Variants in CUX2 observed in about 807,000 individuals in gnomAD.
The protein encoded by CUX2 is homeobox protein cut-like 2.
CUX2 carries 40 observed loss-of-function variants against 144.8 expected under a neutral mutation model. The ratio of observed to expected loss-of-function variants is 0.28; its 90% CI spans 0.21 to 0.36. The LOEUF (loss-of-function observed/expected upper bound fraction) is 0.36, where lower values mean the gene tolerates loss of function less well. Ranked by LOEUF, CUX2 falls within the 10% of genes least tolerant of loss-of-function variation. The pLI is 1.00. For synonymous variants in CUX2, 827 were observed against 875.6 expected (o/e 0.94, Z 0.98); for missense variants, 1,615 against 1,994.0 (o/e 0.81, Z 3.62).
chr12:111,039,055 C>T lies in CUX2; in HGVS notation c.63+4815C>T, dbSNP rs950126163. Among the ~76,000 whole-genome samples the T allele has an allele frequency of 4.6e-5, 7 of 151,938 alleles. No homozygotes were observed. The highest frequency in any genetic ancestry group is 1.7e-4 in the African/African-American group (7 of 41,346). On this transcript the variant is annotated intron_variant, in intron 1 of 21. Transcript: ENST00000261726. The surrounding 1 kb of genome is among the most constrained non-coding windows in gnomAD (Gnocchi z 4.2). ...TTCTTCCGGCAGATGGGATTTCAAA[C>T]GTGAGCACCTTGGCTAGTGCTAAAT...
chr12:111,096,526 A>C (rs1178751706), intron 1 of CUX2, among the ~76,000 whole-genome samples: 1 of 152,142 alleles, frequency 6.6e-6, no homozygotes, highest in Non-Finnish European at 1.5e-5. Flanking sequence ...AGGCAAAGTC[A>C]CTTGCCCGAG....
At chr12:111,200,149 C>G (rs1880490636) in intron 1 of CUX2, among the ~76,000 whole-genome samples, 1 of 151,860 alleles carries the variant, frequency 6.6e-6, no homozygotes, top group Non-Finnish European at 1.5e-5. Context: ...GGAGAGGACA[C>G]CCCCTCTTGC....
chr12:111,219,612 G>A (rs187009621), intron 3 of CUX2, among the ~76,000 whole-genome samples: 123 of 152,328 alleles, frequency 8.1e-4, no homozygotes, highest in Non-Finnish European at 9.8e-4. Flanking sequence ...TTAAATGGGA[G>A]TATAAAGACA....
At chr12:111,202,183 G>T (rs1310176641) in intron 1 of CUX2, among the ~76,000 whole-genome samples, 2 of 152,214 alleles carry the variant, frequency 1.3e-5, no homozygotes, top group Admixed American at 6.5e-5. Context: ...TTTTGCCGGG[G>T]GAAGCACTCT....
intron 1 of CUX2, among the ~76,000 whole-genome samples, chr12:111,117,740 C>CT (rs1351214457): frequency 6.6e-6 from 1 of 152,196 alleles, no homozygotes; most frequent in Non-Finnish European, 1.5e-5. Flanking sequence ...GGTAGATACT[C>CT]TGAGTATTTC....
intron 1 of CUX2, among the ~76,000 whole-genome samples, chr12:111,179,314 C>G: frequency 6.6e-6 from 1 of 152,168 alleles, no homozygotes; most frequent in Non-Finnish European, 1.5e-5. Context: ...GGCATAATAC[C>G]AACACCCGCC....
chr12:111,139,474 G>A (rs1007031854), intron 1 of CUX2, among the ~76,000 whole-genome samples: 2 of 152,128 alleles, frequency 1.3e-5, no homozygotes, highest in African/African-American at 4.8e-5. Flanking sequence ...AATGGTGGTC[G>A]AAGTTGTGGT....
At chr12:111,048,409 A>G (rs1162384380) in intron 1 of CUX2, among the ~76,000 whole-genome samples, 1 of 152,126 alleles carries the variant, frequency 6.6e-6, no homozygotes, top group Non-Finnish European at 1.5e-5. Context: ...GAGTGGAGAG[A>G]TTGCCATGGG....
chr12:111,077,034 T>C lies in CUX2; in HGVS notation c.63+42794T>C, dbSNP rs971374544. Among the ~76,000 whole-genome samples the C allele has an allele frequency of 1.3e-5, 2 of 152,224 alleles. No homozygotes were observed. Among genetic ancestry groups the C allele is most frequent in the African/African-American group, 2.4e-5 (1 of 41,458 alleles). ...CATCTCCTCTTTTAAACAGTCCCAT[T>C]GCAACAGAGCTATTCCTTGCACGAG... On this transcript the variant is annotated intron_variant, in intron 1 of 21. Transcript: ENST00000261726. This position sits in a 1 kb window ranked among gnomAD's most constrained non-coding sequence, Gnocchi z 4.1.
intron 1 of CUX2, among the ~76,000 whole-genome samples, chr12:111,063,910 C>T (rs1870913135): frequency 6.6e-6 from 1 of 152,094 alleles, no homozygotes; most frequent in Non-Finnish European, 1.5e-5. Flanking sequence ...TTTACGCTGT[C>T]GAGGAGCGAG....
chr12:111,303,536 T>C (rs1207642528), intron 9 of CUX2, among the ~76,000 whole-genome samples: 1 of 150,782 alleles, frequency 6.6e-6, no homozygotes, highest in Admixed American at 6.6e-5. Context: ...CTTGGGAGGC[T>C]GAGGCAGGAA....
chr12:111,047,413 G>A (rs16941214), intron 1 of CUX2, among the ~76,000 whole-genome samples: 4,382 of 152,178 alleles, frequency 0.029, 190 homozygotes, highest in African/African-American at 0.1. Context: ...ACACTCTACA[G>A]TTCGCGTTTT....
intron 1 of CUX2, among the ~76,000 whole-genome samples, chr12:111,143,320 C>T (rs1288879701): frequency 6.6e-6 from 1 of 152,170 alleles, no homozygotes; most frequent in African/African-American, 2.4e-5. Flanking sequence ...ATTTCTGCCT[C>T]CAAGTAGACT....
In CUX2 at chr12:111,322,669, A is replaced by C. The variant is rs1190468163; in HGVS notation, c.2926+89A>C. 2.0e-6 allele frequency: 3 copies of C among 1,486,336 alleles called. No homozygotes were observed. The highest frequency in any genetic ancestry group is 2.7e-6 in the Non-Finnish European group (3 of 1,102,206). The allele number at this position is 1,486,336 out of a possible 1,614,324, so 92.1% of individuals were successfully genotyped here. A position where few individuals can be genotyped will look rare whatever the true frequency, so the allele number is the denominator to read the frequency against. ...CCGCCTGGCTTTACTGCCCGAGTCT[A>C]CCTATCTCTCCCTCCCTGCTGCCCT... On this transcript the variant is annotated intron_variant, in intron 18 of 21. Transcript: ENST00000261726. The surrounding 1 kb of genome is among the most constrained non-coding windows in gnomAD (Gnocchi z 4.2).
In CUX2 at chr12:111,322,321, CAAAA is replaced by C. The variant is rs147389725; in HGVS notation, c.2767-80_2767-77del. ...CGACAGACAAAGCGAGACTCTGCCTCAAAAAAAAAAAAAAAAAAAAAAAGGTTGG... is the reference window on the plus strand; with the variant it reads ...CGACAGACAAAGCGAGACTCTGCCTCAAAAAAAAAAAAAAAAAAAGGTTGG... On this transcript the variant is annotated intron_variant, in intron 17 of 21. Transcript: ENST00000261726. The surrounding 1 kb of genome is among the most constrained non-coding windows in gnomAD (Gnocchi z 4.2). 0.15 allele frequency: 113,579 copies of C among 745,538 alleles called. 3,854 individuals carry two copies. Among genetic ancestry groups the C allele is most frequent in the East Asian group, 0.4 (12,200 of 30,350 alleles). 46.2% of individuals were successfully genotyped at this position (745,538 alleles called of 1,614,324 possible).
At chr12:111,229,144 G>A (rs539480378) in intron 3 of CUX2, among the ~76,000 whole-genome samples, 23 of 152,146 alleles carry the variant, frequency 1.5e-4, no homozygotes, top group Admixed American at 3.9e-4. Context: ...ATAATCCCCC[G>A]GTGTATTAAC....
At chr12:111,162,960 C>G (rs1030423349) in intron 1 of CUX2, among the ~76,000 whole-genome samples, 1 of 151,588 alleles carries the variant, frequency 6.6e-6, no homozygotes, top group Non-Finnish European at 1.5e-5. Flanking sequence ...GCAGGAGAAT[C>G]GCTTGAACCT....
At chr12:111,306,492 C>T (rs775925525) in intron 10 of CUX2, among the ~76,000 whole-genome samples, 5 of 152,110 alleles carry the variant, frequency 3.3e-5, no homozygotes, top group African/African-American at 7.2e-5. Flanking sequence ...GCAAATTAGG[C>T]GGAGGAAAGA....
At position 111,293,516 on chromosome 12, in the gene CUX2, G is replaced by C; in HGVS notation, c.507G>C (p.Gly169=). The change falls in exon 6 of 22, where the codon GGG becomes GGC. Residue 169 remains glycine, a synonymous_variant. Coordinates refer to ENST00000261726, the MANE Select transcript of CUX2 (RefSeq NM_015267.4). This position sits in a 1 kb window ranked among gnomAD's most constrained non-coding sequence, Gnocchi z 4.5. ...GAAGCCGCCTCCCAGGCATTCCCGG[G>C]AAAGCCCTCCTGACAGAAACCTTGC... The part of the protein sequence containing the change: ...TEGSRLPGIP[G]KALLTETLLQ... 1 of 1,603,922 alleles carries C rather than the reference G, an allele frequency of 6.2e-7. No homozygotes were observed. Among genetic ancestry groups the C allele is most frequent in the South Asian group, 1.1e-5 (1 of 88,878 alleles).
Sources: allele counts gnomAD v4.1 joint callset (sites outside exome capture counted in the v4.1 genomes callset), GRCh38; gene constraint gnomAD v4.1.1; non-coding constraint Gnocchi (gnomAD v3.1); transcripts MANE v1.5; gene names NCBI Gene and HGNC (gene_info 2026-07-23, HGNC 2026-07-21).